Variants in ZNF627 observed in about 807,000 individuals in gnomAD.
ZNF627 encodes zinc finger protein 627.
In ZNF627, 12 loss-of-function variants were observed where a neutral mutation model predicts 10.6. The observed-to-expected ratio is 1.13, with a 90% CI of 0.73 to 1.84. ZNF627 has a LOEUF of 1.84. ZNF627 is among the 40% of genes most tolerant of loss of function. The pLI is 0.00. For missense variants in ZNF627, 504 were observed against 568.4 expected (o/e 0.89, Z 1.15); for synonymous variants, 176 against 187.1 (o/e 0.94, Z 0.48).
Position 11,617,114 on chromosome 19 carries a change from T to C in ZNF627, c.611T>C (p.Phe204Ser). ...AAATGTAAGGTGTGTGGGAAAGCCT[T>C]TGATTATCCCAGTTTATTTCGTATA... ...PYKCKVCGKAFDYPSLFRIHE... is the reference protein window; with the variant it reads ...PYKCKVCGKASDYPSLFRIHE... The change falls in exon 4 of 4, where the codon TTT becomes TCT. Residue 204 changes from phenylalanine to serine, a missense_variant. Phe to Ser is a radical substitution (Grantham distance 155). Coordinates refer to ENST00000361113, the MANE Select transcript of ZNF627 (RefSeq NM_145295.4). 1 of 1,614,076 alleles carries C rather than the reference T, an allele frequency of 6.2e-7. No homozygotes were observed. The highest frequency in any genetic ancestry group is 2.2e-5 in the East Asian group (1 of 44,886).
rs879754255 is a variant in ZNF627 at position 11,618,841 on chromosome 19, C to T, written c.*952C>T. The T allele has an allele frequency of 1.3e-5, 2 of 152,220 alleles. No individual in the cohort carries two copies. The highest frequency in any genetic ancestry group is 2.9e-5 in the Non-Finnish European group (2 of 68,042). 9.4% of individuals were successfully genotyped at this position (152,220 alleles called of 1,614,324 possible). On this transcript the variant is annotated 3_prime_UTR_variant, in exon 4 of 4. Transcript: ENST00000361113. ...ATGTTTCTTCAAAACAGTTTATTAA[C>T]TGTCTTCAGTCTTGGATTACATCAA... is the stretch of plus-strand genomic sequence containing the variant.
In ZNF627 at chr19:11,618,817, TG is replaced by T. The variant is rs1278466793; in HGVS notation, c.*929del. 3 of 152,360 alleles carry T rather than the reference TG, an allele frequency of 2.0e-5. No homozygotes were observed. The East Asian group carries it at 5.8e-4, about 29-fold the overall frequency. 9.4% of individuals were successfully genotyped at this position (152,360 alleles called of 1,614,324 possible). ...TTTATTCAAACAAGACTTCTGTACA[TG>T]TTTCTTCAAAACAGTTTATTAACTG... is the stretch of plus-strand genomic sequence containing the variant. On this transcript the variant is annotated 3_prime_UTR_variant, in exon 4 of 4. Coordinates refer to ENST00000361113, the MANE Select transcript of ZNF627 (RefSeq NM_145295.4).
intron 2 of ZNF627, 80 bp from the exon 3 acceptor site, chr19:11,614,747 G>C (rs184249094): frequency 6.2e-7 from 1 of 1,600,416 alleles, no homozygotes; most frequent in East Asian, 2.2e-5. Context: ...ATGGGTACAG[G>C]GAATTATGAA....
At chr19:11,600,502 G>GT (rs58125226) in intron 1 of ZNF627, among the ~76,000 whole-genome samples, 1,993 of 150,650 alleles carry the variant, frequency 0.013, 44 homozygotes, top group African/African-American at 0.044. Flanking sequence ...CAAGTATGTT[G>GT]TTTTTTTTTG....
At chr19:11,597,760 G>A (rs147298484) in intron 1 of ZNF627, 130 bp downstream of exon 1, 35,927 of 1,005,814 alleles carry the variant, frequency 0.036, 726 homozygotes, top group Middle Eastern at 0.053. Flanking sequence ...TCCCTCGGCC[G>A]CAAGGTGGGG....
At chr19:11,608,298 G>T (rs995001987) in intron 1 of ZNF627, among the ~76,000 whole-genome samples, 3 of 152,124 alleles carry the variant, frequency 2.0e-5, no homozygotes, top group African/African-American at 7.2e-5. Context: ...TTGGGTGGGG[G>T]CACAGCCAAA....
At chr19:11,605,514 T>C (rs1257744451) in intron 1 of ZNF627, among the ~76,000 whole-genome samples, 2 of 152,184 alleles carry the variant, frequency 1.3e-5, no homozygotes, top group South Asian at 4.2e-4. Flanking sequence ...AACATGTCCT[T>C]CTTCACATGG....
At position 11,600,595 on chromosome 19, in the gene ZNF627, C is replaced by G. The variant is rs143183923; in HGVS notation, c.3+2965C>G. Among the ~76,000 whole-genome samples, 208 of 152,132 alleles carry G rather than the reference C, an allele frequency of 1.4e-3. 1 individual carries two copies. The highest frequency in any genetic ancestry group is 2.5e-3 in the Non-Finnish European group (168 of 67,994). On this transcript the variant is annotated intron_variant, in intron 1 of 3. Coordinates refer to ENST00000361113, the MANE Select transcript of ZNF627 (RefSeq NM_145295.4). ...AAGGAAAAGAGAGAGAGAAAACTCT[C>G]TTCTATCATGACTGCAGAAAATGAA...
chr19:11,611,650 T>C (rs1046818215), intron 1 of ZNF627, among the ~76,000 whole-genome samples: 2 of 152,234 alleles, frequency 1.3e-5, no homozygotes, highest in African/African-American at 4.8e-5. Context: ...TGAATTGGGG[T>C]ACCATCCCAT....
intron 1 of ZNF627, among the ~76,000 whole-genome samples, chr19:11,611,462 C>A (rs539707374): frequency 2.0e-5 from 3 of 152,178 alleles, no homozygotes; most frequent in Non-Finnish European, 4.4e-5. Flanking sequence ...CTGGCCTACA[C>A]AAGTTTTTAA....
chr19:11,611,559 A>G (rs890427510), intron 1 of ZNF627, among the ~76,000 whole-genome samples: 2 of 152,212 alleles, frequency 1.3e-5, no homozygotes, highest in African/African-American at 4.8e-5. Context: ...GACCCAATAG[A>G]AACTTTTGCT....
chr19:11,611,850 G>C (rs1466698732), intron 1 of ZNF627, among the ~76,000 whole-genome samples: 1 of 152,088 alleles, frequency 6.6e-6, no homozygotes, highest in Non-Finnish European at 1.5e-5. Context: ...TGGTTGCTGT[G>C]AGTCTCCTGT....
At chr19:11,605,039 A>G (rs947405334) in intron 1 of ZNF627, among the ~76,000 whole-genome samples, 1 of 151,540 alleles carries the variant, frequency 6.6e-6, no homozygotes, top group Non-Finnish European at 1.5e-5. Flanking sequence ...TGGTGAAGGA[A>G]GGAGTACTTG....
chr19:11,611,856 C>T (rs1455310241), intron 1 of ZNF627, among the ~76,000 whole-genome samples: 1 of 152,108 alleles, frequency 6.6e-6, no homozygotes, highest in African/African-American at 2.4e-5. Context: ...CTGTGAGTCT[C>T]CTGTTTTGGG....
chr19:11,603,152 G>A (rs1405828140), intron 1 of ZNF627, among the ~76,000 whole-genome samples: 1 of 152,088 alleles, frequency 6.6e-6, no homozygotes, highest in African/African-American at 2.4e-5. Flanking sequence ...ACGCATGCTG[G>A]TTTCTGCATT....
intron 1 of ZNF627, among the ~76,000 whole-genome samples, chr19:11,610,007 CTTCT>C (rs1447581160): frequency 6.8e-6 from 1 of 147,730 alleles, no homozygotes; most frequent in Non-Finnish European, 1.5e-5. Context: ...ATTTTTCTGT[CTTCT>C]TTATGATTTT....
chr19:11,597,715 C>T (rs556154497), intron 1 of ZNF627, 85 bp downstream of exon 1: 6 of 1,286,478 alleles, frequency 4.7e-6, no homozygotes, highest in South Asian at 3.2e-5. Context: ...GGACCTAGGC[C>T]TCCCTGCGGC....
chr19:11,604,042 A>G (rs1401530180), intron 1 of ZNF627, among the ~76,000 whole-genome samples: 1 of 151,940 alleles, frequency 6.6e-6, no homozygotes, highest in Non-Finnish European at 1.5e-5. Flanking sequence ...TCCTGGCTCA[A>G]GTGATTCTCC....
intron 1 of ZNF627, among the ~76,000 whole-genome samples, chr19:11,610,279 G>C (rs999243486): frequency 6.6e-6 from 1 of 151,950 alleles, no homozygotes; most frequent in African/African-American, 2.4e-5. Context: ...GTTTTTCTGA[G>C]TATCCTAATT....
Sources: allele counts gnomAD v4.1 joint callset (sites outside exome capture counted in the v4.1 genomes callset), GRCh38; gene constraint gnomAD v4.1.1; transcripts MANE v1.5; gene names NCBI Gene and HGNC (gene_info 2026-07-23, HGNC 2026-07-21).